Variants in SH3PXD2A observed in about 807,000 individuals in gnomAD.
The protein encoded by SH3PXD2A is SH3 and PX domain-containing protein 2A.
A neutral mutation model predicts 115.2 loss-of-function variants in SH3PXD2A; 32 were observed. The observed-to-expected ratio is 0.28, with a 90% confidence interval of 0.21 to 0.37. The LOEUF (loss-of-function observed/expected upper bound fraction) is 0.37, where lower values mean the gene tolerates loss of function less well. Among genes scored for constraint, SH3PXD2A ranks in the 10% least tolerant of loss-of-function variants. The pLI is 1.00. For synonymous variants in SH3PXD2A, 610 were observed against 629.1 expected (o/e 0.97, Z 0.45); for missense variants, 1,328 against 1,498.7 (o/e 0.89, Z 1.88).
intron 6 of SH3PXD2A, among the ~76,000 whole-genome samples, chr10:103,692,103 A>G (rs1288162732): frequency 2.0e-5 from 3 of 152,136 alleles, no homozygotes. Flanking sequence ...CACCCTGTCA[A>G]TATGGCCAAT....
intron 6 of SH3PXD2A, among the ~76,000 whole-genome samples, chr10:103,680,805 AT>A (rs1482864594): frequency 5.9e-5 from 9 of 152,084 alleles, no homozygotes; most frequent in East Asian, 1.9e-4. Context: ...GGAAAAAAAT[AT>A]TTTTTTCTTT....
At chr10:103,735,182 T>C (rs1258466910) in intron 4 of SH3PXD2A, among the ~76,000 whole-genome samples, 1 of 152,274 alleles carries the variant, frequency 6.6e-6, no homozygotes, top group Non-Finnish European at 1.5e-5. Context: ...ATGACACTGC[T>C]GTCCTTCTCC....
intron 7 of SH3PXD2A, among the ~76,000 whole-genome samples, chr10:103,667,398 C>T (rs1181328388): frequency 6.6e-6 from 1 of 152,214 alleles, no homozygotes; most frequent in African/African-American, 2.4e-5. Flanking sequence ...GGACTGCTGG[C>T]CCCTCCGCTA....
chr10:103,788,547 T>A (rs748522138), intron 2 of SH3PXD2A, among the ~76,000 whole-genome samples: 2 of 152,160 alleles, frequency 1.3e-5, no homozygotes, highest in Non-Finnish European at 2.9e-5. Flanking sequence ...ATATCCCAAC[T>A]ACTCCCACAG....
At chr10:103,686,404 T>C (rs1383407382) in intron 6 of SH3PXD2A, among the ~76,000 whole-genome samples, 1 of 152,182 alleles carries the variant, frequency 6.6e-6, no homozygotes, top group African/African-American at 2.4e-5. Flanking sequence ...GAAATGCAGC[T>C]TTTTAGAGAA....
At chr10:103,639,633 G>GA (rs577753878) in intron 8 of SH3PXD2A, among the ~76,000 whole-genome samples, 39 of 88,854 alleles carry the variant, frequency 4.4e-4, no homozygotes, top group South Asian at 6.4e-4. Flanking sequence ...AAAAGAAAAA[G>GA]AAAAAAAAAA....
At chr10:103,782,091 AG>A (rs1352865473) in intron 2 of SH3PXD2A, among the ~76,000 whole-genome samples, 1 of 152,204 alleles carries the variant, frequency 6.6e-6, no homozygotes, top group East Asian at 1.9e-4. Flanking sequence ...CTGGTCACGA[AG>A]GGCTATGACC....
At position 103,599,997 on chromosome 10, in the gene SH3PXD2A, GGGGTA is replaced by G. The variant is rs1421138399; in HGVS notation, c.*1814_*1818del. ...CAAGGCCTCTGGGATGGGGTGTGGT[GGGGTA>G]GGGTAGGGGTGGGGGTGGGTTTTGA... On this transcript the variant is annotated 3_prime_UTR_variant, in exon 15 of 15. Transcript: ENST00000369774. 2.0e-5 allele frequency: 3 copies of G among 152,216 alleles called. No homozygotes were observed. Among genetic ancestry groups the G allele is most frequent in the Non-Finnish European group, 4.4e-5 (3 of 68,078 alleles). 9.4% of individuals were successfully genotyped at this position (152,216 alleles called of 1,614,324 possible).
At chr10:103,791,647 C>G (rs80331168) in intron 2 of SH3PXD2A, among the ~76,000 whole-genome samples, 1 of 151,868 alleles carries the variant, frequency 6.6e-6, no homozygotes, top group Non-Finnish European at 1.5e-5. Flanking sequence ...GCTCTATCCC[C>G]GCTGCCACCA....
chr10:103,606,389 T>G (rs2036303658), intron 13 of SH3PXD2A, among the ~76,000 whole-genome samples: 1 of 144,066 alleles, frequency 6.9e-6, no homozygotes, highest in South Asian at 2.3e-4. Flanking sequence ...TTTTTTTTTT[T>G]TTTTGGTAGA....
At chr10:103,763,800 G>A (rs115487488) in intron 3 of SH3PXD2A, among the ~76,000 whole-genome samples, 2,061 of 152,294 alleles carry the variant, frequency 0.014, 50 homozygotes, top group African/African-American at 0.047. Context: ...TGGAAGAAGA[G>A]GCAGCCCACA....
chr10:103,722,600 C>CT (rs35815642), intron 5 of SH3PXD2A, among the ~76,000 whole-genome samples: 2,927 of 136,968 alleles, frequency 0.021, 35 homozygotes, highest in Non-Finnish European at 0.031. Flanking sequence ...ATATGCCTAG[C>CT]TTTTTTTTTT....
At position 103,627,179 on chromosome 10, in the gene SH3PXD2A, C is replaced by T; in HGVS notation, c.628G>A (p.Glu210Lys). Residue 210 changes from glutamate to lysine, a missense_variant, in exon 9 of 15, where the codon GAG becomes AAG. By Grantham distance (56) the Glu-to-Lys change is moderately conservative. Around this residue, in one of 5 missense-constraint regions of SH3PXD2A, gnomAD observed 509 missense variants for 628.3 expected, o/e 0.81. Coordinates refer to ENST00000369774, the MANE Select transcript of SH3PXD2A (RefSeq NM_001394015.1). The surrounding 1 kb of genome is among the most constrained non-coding windows in gnomAD (Gnocchi z 4.4). ...ESGWWFVSTS[E>K]EQGWVPATYL... ...GTGGCAGGGACCCAGCCCTGCTCCTCAGAAGTGCTCACGAACCACCAGCCT... is the reference window on the plus strand; with the variant it reads ...GTGGCAGGGACCCAGCCCTGCTCCTTAGAAGTGCTCACGAACCACCAGCCT... 1.2e-6 allele frequency: 2 copies of T among 1,612,026 alleles called. No homozygotes were observed. The highest frequency in any genetic ancestry group is 1.7e-6 in the Non-Finnish European group (2 of 1,178,150).
intron 7 of SH3PXD2A, among the ~76,000 whole-genome samples, chr10:103,662,410 T>TTTC (rs71019687): frequency 7.3e-6 from 1 of 136,330 alleles, no homozygotes; most frequent in Admixed American, 7.2e-5. Flanking sequence ...TTTTTTTTTT[T>TTTC]GAGACGGAGT....
At position 103,643,484 on chromosome 10, in the gene SH3PXD2A, G is replaced by A. The variant is rs373350524; in HGVS notation, c.605-16282C>T. ...AAAACCAGCATTCCTAGGTATAGAC[G>A]GGAGATTCCGGAAAAACACATACAA... is the stretch of plus-strand genomic sequence containing the variant. On this transcript the variant is annotated intron_variant, in intron 8 of 14. Coordinates refer to ENST00000369774, the MANE Select transcript of SH3PXD2A (RefSeq NM_001394015.1). Among the ~76,000 whole-genome samples the A allele has an allele frequency of 5.9e-5, 9 of 152,230 alleles. No homozygotes were observed. The South Asian group carries it at 1.9e-3, about 32-fold the overall frequency.
chr10:103,607,799 C>A (rs902733118), intron 13 of SH3PXD2A, among the ~76,000 whole-genome samples: 9 of 152,194 alleles, frequency 5.9e-5, no homozygotes, highest in African/African-American at 2.2e-4. Context: ...TCATTTTGTT[C>A]TGTACTAAGA....
chr10:103,700,552 A>C (rs1376305837), intron 5 of SH3PXD2A, among the ~76,000 whole-genome samples: 2 of 152,208 alleles, frequency 1.3e-5, no homozygotes, highest in Non-Finnish European at 2.9e-5. Flanking sequence ...CATCAGGTGC[A>C]TTCCAAGGAG....
intron 1 of SH3PXD2A, among the ~76,000 whole-genome samples, chr10:103,802,779 A>G (rs2039159614): frequency 6.6e-6 from 1 of 152,190 alleles, no homozygotes; most frequent in South Asian, 2.1e-4. Context: ...GGTGGTTCCC[A>G]GGCCAGGGTG....
At chr10:103,775,657 C>T (rs1340897278) in intron 2 of SH3PXD2A, among the ~76,000 whole-genome samples, 5 of 152,234 alleles carry the variant, frequency 3.3e-5, no homozygotes, top group Admixed American at 6.5e-5. Flanking sequence ...GAAATGCTGC[C>T]GTATGTCAGA....
Sources: gnomAD v4.1 joint callset for allele counts (sites outside exome capture counted in the v4.1 genomes callset) on GRCh38, gnomAD v4.1.1 for gene constraint, gnomAD v4.1.1 regional missense constraint, Gnocchi (gnomAD v3.1) non-coding constraint, MANE v1.5 for transcripts, NCBI Gene and HGNC (gene_info 2026-07-23, HGNC 2026-07-21) for gene names.